The following CAPZB variants were observed in gnomAD, a reference collection of about 807,000 sequenced individuals.
The protein encoded by CAPZB is F-actin-capping protein subunit beta.
In CAPZB, 2 loss-of-function variants were observed where a neutral mutation model predicts 38.1. The ratio of observed to expected loss-of-function variants is 0.05; its 90% CI spans 0.02 to 0.17. The LOEUF (loss-of-function observed/expected upper bound fraction) is 0.17, where lower values mean the gene tolerates loss of function less well. Ranked by LOEUF, CAPZB falls within the 10% of genes least tolerant of loss-of-function variation. CAPZB has a pLI of 1.00. For missense variants in CAPZB, 161 were observed against 334.2 expected (o/e 0.48, Z 4.04); for synonymous variants, 107 against 127.4 (o/e 0.84, Z 1.08).
intron 1 of CAPZB, among the ~76,000 whole-genome samples, chr1:19,483,232 A>C (rs2094636818): frequency 2.0e-5 from 3 of 152,204 alleles, no homozygotes; most frequent in African/African-American, 7.2e-5. Flanking sequence ...CCCCCTTGCC[A>C]TGTTTGAATA....
chr1:19,460,746 C>G (rs554335560), intron 1 of CAPZB, among the ~76,000 whole-genome samples: 2 of 151,976 alleles, frequency 1.3e-5, no homozygotes, highest in African/African-American at 4.8e-5. Flanking sequence ...GGCATCCACT[C>G]GGGGTCTTGG....
chr1:19,430,829 C>T (rs751104702), intron 1 of CAPZB, among the ~76,000 whole-genome samples: 1 of 152,164 alleles, frequency 6.6e-6, no homozygotes, highest in South Asian at 2.1e-4. Flanking sequence ...ACAACATATA[C>T]AATGGGCTAA....
intron 3 of CAPZB, 122 bp downstream of exon 3, chr1:19,385,383 G>T: frequency 9.3e-7 from 1 of 1,075,178 alleles, no homozygotes; most frequent in Non-Finnish European, 1.4e-6. Flanking sequence ...GGGAACAAAC[G>T]GAAGGAAAGC....
At chr1:19,371,418 G>A (rs186584499) in intron 4 of CAPZB, among the ~76,000 whole-genome samples, 149 of 152,360 alleles carry the variant, frequency 9.8e-4, no homozygotes, top group Non-Finnish European at 1.7e-3. Flanking sequence ...CTGGACGCAA[G>A]GCGTGAGTGC....
At chr1:19,387,062 C>T (rs1293231592) in intron 2 of CAPZB, among the ~76,000 whole-genome samples, 1 of 130,148 alleles carries the variant, frequency 7.7e-6, no homozygotes, top group African/African-American at 3.0e-5. Context: ...CATGTGCCTG[C>T]CATGCACCAC....
intron 1 of CAPZB, among the ~76,000 whole-genome samples, chr1:19,440,006 G>A (rs185693036): frequency 7.9e-5 from 12 of 152,314 alleles, no homozygotes; most frequent in Admixed American, 4.6e-4. Context: ...GGACCACAGC[G>A]TGGCCAGGTG....
At chr1:19,432,042 CAAAAAAAAAAAAAAA>C (rs10583269) in intron 1 of CAPZB, among the ~76,000 whole-genome samples, 3 of 122,564 alleles carry the variant, frequency 2.4e-5, no homozygotes, top group African/African-American at 9.6e-5. Flanking sequence ...GATCCTGTCT[CAAAAAAAAAAAAAAA>C]AAAAAAAAGA....
chr1:19,453,470 A>T (rs1255315309), intron 1 of CAPZB, among the ~76,000 whole-genome samples: 4 of 151,952 alleles, frequency 2.6e-5, no homozygotes, highest in Non-Finnish European at 5.9e-5. Context: ...CATGTTGGCC[A>T]GGCTGGACTC....
intron 8 of CAPZB, among the ~76,000 whole-genome samples, chr1:19,340,354 G>C (rs1315237113): frequency 6.6e-6 from 1 of 152,228 alleles, no homozygotes; most frequent in African/African-American, 2.4e-5. Context: ...AGTGCCCCTG[G>C]GATCCCTGCT....
At chr1:19,390,376 C>A (rs557902216) in intron 2 of CAPZB, among the ~76,000 whole-genome samples, 1 of 152,356 alleles carries the variant, frequency 6.6e-6, no homozygotes, top group Admixed American at 6.5e-5. Flanking sequence ...CACGCGGCAG[C>A]CGGATGGTTT....
At chr1:19,468,734 T>C (rs2094576655) in intron 1 of CAPZB, among the ~76,000 whole-genome samples, 1 of 152,112 alleles carries the variant, frequency 6.6e-6, no homozygotes, top group Admixed American at 6.5e-5. Flanking sequence ...CCTCTGAGTT[T>C]AAATTAGTCA....
At chr1:19,455,152 T>G (rs1021619757) in intron 1 of CAPZB, among the ~76,000 whole-genome samples, 1 of 152,198 alleles carries the variant, frequency 6.6e-6, no homozygotes, top group Non-Finnish European at 1.5e-5. Flanking sequence ...AGACAATTCA[T>G]GCCTCCCGTC....
At chr1:19,389,217 C>T (rs564392911) in intron 2 of CAPZB, among the ~76,000 whole-genome samples, 24 of 152,256 alleles carry the variant, frequency 1.6e-4, no homozygotes, top group Admixed American at 1.2e-3. Flanking sequence ...CTCATACCCA[C>T]GCCGTCCCTC....
intron 2 of CAPZB, among the ~76,000 whole-genome samples, chr1:19,411,879 G>A (rs1200083022): frequency 6.6e-6 from 1 of 152,120 alleles, no homozygotes; most frequent in East Asian, 1.9e-4. Context: ...GCACTACTAG[G>A]TGGCAGGTCC....
intron 4 of CAPZB, among the ~76,000 whole-genome samples, chr1:19,360,330 AAAAC>A (rs1384306735): frequency 6.6e-6 from 1 of 152,224 alleles, no homozygotes; most frequent in Non-Finnish European, 1.5e-5. Context: ...AGGGGGAAGA[AAAAC>A]AAACAAAAAA....
intron 4 of CAPZB, among the ~76,000 whole-genome samples, chr1:19,370,395 C>T (rs536117847): frequency 3.9e-5 from 6 of 152,172 alleles, no homozygotes; most frequent in Non-Finnish European, 7.3e-5. Flanking sequence ...AGGGAGAAGG[C>T]GCTGGGGCTG....
chr1:19,357,341 T>C lies in CAPZB; in HGVS notation c.471+81A>G, dbSNP rs1328894035. On this transcript the variant is annotated intron_variant, in intron 5 of 8. Transcript: ENST00000264202. This position sits in a 1 kb window ranked among gnomAD's most constrained non-coding sequence, Gnocchi z 4.3. ...GAGATCACAGCATCCCCCTACTGCA[T>C]CTGTTAGAGAGCAGCGCGGCACTGG... 1.6e-6 allele frequency: 2 copies of C among 1,285,326 alleles called. No homozygotes were observed. Among genetic ancestry groups the C allele is most frequent in the Non-Finnish European group, 2.2e-6 (2 of 896,520 alleles). 79.6% of individuals were successfully genotyped at this position (1,285,326 alleles called of 1,614,324 possible).
At chr1:19,361,293 G>T (rs974371349) in intron 4 of CAPZB, among the ~76,000 whole-genome samples, 15 of 152,188 alleles carry the variant, frequency 9.9e-5, no homozygotes, top group African/African-American at 3.6e-4. Flanking sequence ...TGAGTCAGAC[G>T]TGCTGAGACC....
At chr1:19,378,700 G>T in intron 3 of CAPZB, 47 bp from the exon 4 acceptor site, 2 of 1,045,454 alleles carry the variant, frequency 1.9e-6, no homozygotes, top group South Asian at 1.3e-5. Context: ...GTTCCATGAA[G>T]ACACGGCCAG....
Sources: gnomAD v4.1 joint callset for allele counts (sites outside exome capture counted in the v4.1 genomes callset) on GRCh38, gnomAD v4.1.1 for gene constraint, Gnocchi (gnomAD v3.1) non-coding constraint, MANE v1.5 for transcripts, NCBI Gene and HGNC (gene_info 2026-07-23, HGNC 2026-07-21) for gene names.